Variants in CCDC187 observed in about 807,000 individuals in gnomAD.
The protein encoded by CCDC187 is coiled-coil domain containing 187.
In CCDC187, 32 loss-of-function variants were observed where a neutral mutation model predicts 38.0. The observed-to-expected ratio is 0.84, with a 90% CI of 0.64 to 1.13. The LOEUF is 1.13. CCDC187 is among the 50% of genes most tolerant of loss of function. CCDC187 has a pLI of 0.00. For missense variants in CCDC187, 707 were observed against 786.8 expected (o/e 0.90, Z 1.21); for synonymous variants, 333 against 347.9 (o/e 0.96, Z 0.48).
chr9:136,287,399 C>T (rs1026945032), intron 7 of CCDC187, among the ~76,000 whole-genome samples: 5 of 152,194 alleles, frequency 3.3e-5, no homozygotes, highest in Non-Finnish European at 7.3e-5. Flanking sequence ...AGGCCTCCCA[C>T]ATAGAATCAA....
intron 3 of CCDC187, among the ~76,000 whole-genome samples, chr9:136,299,623 GGGATGAA>G (rs1461270392): frequency 6.6e-6 from 1 of 152,158 alleles, no homozygotes; most frequent in Non-Finnish European, 1.5e-5. Context: ...CCCATTGCCC[GGGATGAA>G]GGCCACATCC....
At chr9:136,268,380 C>CAG (rs1463866028) in intron 14 of CCDC187, among the ~76,000 whole-genome samples, 3 of 152,184 alleles carry the variant, frequency 2.0e-5, no homozygotes, top group Non-Finnish European at 2.9e-5. Context: ...AGAGGAAGCT[C>CAG]AGGGAGACAG....
chr9:136,277,133 C>T (rs1290294581), intron 10 of CCDC187, among the ~76,000 whole-genome samples: 2 of 151,808 alleles, frequency 1.3e-5, no homozygotes, highest in African/African-American at 4.8e-5. Context: ...ATGCATTTGC[C>T]ATGTGACCTT....
chr9:136,267,320 G>A (rs1830762857), intron 16 of CCDC187, 64 bp downstream of exon 16: 2 of 966,530 alleles, frequency 2.1e-6, no homozygotes, highest in Non-Finnish European at 2.4e-6. Flanking sequence ...GGCTACAGCA[G>A]GGCGGGGCTA....
Position 136,289,287 on chromosome 9 carries a change from G to A in CCDC187, c.2222+672C>T, listed in dbSNP as rs908601212. On this transcript the variant is annotated intron_variant, in intron 7 of 25. Transcript: ENST00000638797. ...AATCCCAGCACTTTGGGAGGCCAAA[G>A]CAGGTGGATCACCTGAGGTTGGGAG... 1.0e-3 allele frequency among the ~76,000 whole-genome samples: 155 copies of A among 152,282 alleles called. 3 individuals carry two copies. The highest frequency in any genetic ancestry group is 3.6e-3 in the African/African-American group (149 of 41,538).
chr9:136,297,901 C>T (rs1274649731), intron 3 of CCDC187, 80 bp from the exon 4 acceptor site: 7 of 395,176 alleles, frequency 1.8e-5, no homozygotes, highest in African/African-American at 1.0e-4. Context: ...GTGGCTACCC[C>T]GGGGTCCTGT....
At chr9:136,298,149 C>T (rs1831581067) in intron 3 of CCDC187, among the ~76,000 whole-genome samples, 1 of 152,234 alleles carries the variant, frequency 6.6e-6, no homozygotes, top group Non-Finnish European at 1.5e-5. Context: ...AGGACAGGAA[C>T]CAGTTTCTCA....
rs1040742909 is a variant in CCDC187 at position 136,262,313 on chromosome 9, C to T, written c.4062G>A (p.Thr1354=). 8 of 986,386 alleles carry T rather than the reference C, an allele frequency of 8.1e-6. No individual in the cohort carries two copies. The highest frequency in any genetic ancestry group is 8.4e-6 in the Non-Finnish European group (7 of 830,692). 61.1% of individuals were successfully genotyped at this position (986,386 alleles called of 1,614,324 possible). A position where few individuals can be genotyped will look rare whatever the true frequency, so the allele number is the denominator to read the frequency against. The change falls in exon 19 of 26, where the codon ACG becomes ACA. Residue 1354 remains threonine (T), a splice_region_variant and synonymous_variant. Transcript: ENST00000638797. ...CCCCCTAAGACCAACCAACTCACCGCGTGGCCTTTGAGCTTGCGGGGCTGC... is the reference window on the plus strand; with the variant it reads ...CCCCCTAAGACCAACCAACTCACCGTGTGGCCTTTGAGCTTGCGGGGCTGC... ...PQSSPASSKA[T]RPPTEQQDVT... is the part of the protein sequence containing the mutation.
At chr9:136,278,027 C>T (rs1001928276) in intron 10 of CCDC187, among the ~76,000 whole-genome samples, 4 of 152,234 alleles carry the variant, frequency 2.6e-5, no homozygotes, top group Non-Finnish European at 5.9e-5. Flanking sequence ...GCCTGGCCAC[C>T]TGGCGTGCAC....
At chr9:136,277,120 G>A (rs1275617901) in intron 10 of CCDC187, among the ~76,000 whole-genome samples, 1 of 151,938 alleles carries the variant, frequency 6.6e-6, no homozygotes, top group Non-Finnish European at 1.5e-5. Context: ...GACCGGGTCT[G>A]TCATGCATTT....
intron 14 of CCDC187, among the ~76,000 whole-genome samples, chr9:136,273,274 AAC>A (rs1316583160): frequency 6.6e-6 from 1 of 152,228 alleles, no homozygotes; most frequent in Non-Finnish European, 1.5e-5. Context: ...GCCTGTAAGA[AAC>A]ACACTTCAAA....
chr9:136,275,964 C>T (rs911557789), intron 12 of CCDC187, among the ~76,000 whole-genome samples: 7 of 152,160 alleles, frequency 4.6e-5, no homozygotes, highest in Admixed American at 1.3e-4. Context: ...CTCTGGTTCC[C>T]GCTGGGGCAC....
chr9:136,266,487 G>C (rs1830750859), intron 16 of CCDC187: 1 of 152,240 alleles, frequency 6.6e-6, no homozygotes, highest in African/African-American at 2.4e-5. Context: ...GCAGTATCAA[G>C]CGGCTTCCAG....
chr9:136,275,839 G>T (rs1412360495), intron 12 of CCDC187, among the ~76,000 whole-genome samples: 1 of 152,154 alleles, frequency 6.6e-6, no homozygotes, highest in Admixed American at 6.5e-5. Context: ...TGCCGGGGGT[G>T]TAAGCACCAC....
In CCDC187 at chr9:136,274,725, A is replaced by T. The variant is rs916801902; in HGVS notation, c.3375T>A (p.Asp1125Glu). 2 of 152,320 alleles carry T rather than the reference A, an allele frequency of 1.3e-5. No homozygotes were observed. The highest frequency in any genetic ancestry group is 4.8e-5 in the African/African-American group (2 of 41,430). The allele number at this position is 152,320 out of a possible 1,614,324, so 9.4% of individuals were successfully genotyped here. The change falls in exon 14 of 26, where the codon GAT (aspartate) becomes GAA (glutamate). Residue 1125 changes from aspartate (D) to glutamate (E), a missense_variant. Coordinates refer to ENST00000638797, the MANE Select transcript of CCDC187 (RefSeq NM_001378188.1). ...CGGGACCCTGGGAGGACGTGGCAGC[A>T]TCTGTGTCCAGAGGCGGGTGTGACC... is the stretch of plus-strand genomic sequence containing the variant. The part of the protein sequence containing the change: ...TPRSHPPLDT[D>E]AATSSQGPED...
At chr9:136,289,407 T>C (rs1831256561) in intron 7 of CCDC187, among the ~76,000 whole-genome samples, 1 of 149,194 alleles carries the variant, frequency 6.7e-6, no homozygotes, top group South Asian at 2.1e-4. Context: ...TAATCCCAGC[T>C]ACTCAGGAGG....
chr9:136,303,313 A>G lies in CCDC187; in HGVS notation c.144-20T>C, dbSNP rs1831735324. The G allele has an allele frequency of 1.8e-5, 7 of 397,052 alleles. No homozygotes were observed. Among genetic ancestry groups the G allele is most frequent in the Non-Finnish European group, 2.7e-5 (6 of 225,654 alleles). 24.6% of individuals were successfully genotyped at this position (397,052 alleles called of 1,614,324 possible). A position where few individuals can be genotyped will look rare whatever the true frequency, so the allele number is the denominator to read the frequency against. Reference sequence around the variant, plus strand: ...CAGAGCCTGGGAGGGAACGGCAGACATGCCGGTCAGACATGCAGGCGCAGA... The same window carrying G: ...CAGAGCCTGGGAGGGAACGGCAGACGTGCCGGTCAGACATGCAGGCGCAGA... On this transcript the variant is annotated intron_variant, in intron 1 of 25. Coordinates refer to ENST00000638797, the MANE Select transcript of CCDC187 (RefSeq NM_001378188.1).
intron 24 of CCDC187, among the ~76,000 whole-genome samples, chr9:136,255,957 AG>A (rs1187975397): frequency 1.3e-5 from 2 of 152,074 alleles, no homozygotes; most frequent in African/African-American, 2.4e-5. Context: ...GGTGGCAGAG[AG>A]GGGGGTGGGG....
chr9:136,267,211 T>C (rs1830759765), intron 16 of CCDC187, 173 bp downstream of exon 16: 1 of 216,874 alleles, frequency 4.6e-6, no homozygotes, highest in South Asian at 1.6e-4. Flanking sequence ...CTTATGTAAG[T>C]TTCAGCAAAC....
Sources: gnomAD v4.1 joint callset for allele counts (sites outside exome capture counted in the v4.1 genomes callset) on GRCh38, gnomAD v4.1.1 for gene constraint, MANE v1.5 for transcripts, NCBI Gene and HGNC (gene_info 2026-07-23, HGNC 2026-07-21) for gene names.